HERC2: variants seen among roughly 807,000 people sequenced by gnomAD.
The protein encoded by HERC2 is E3 ubiquitin-protein ligase HERC2.
Under a neutral mutation model 537.7 loss-of-function variants are expected in HERC2, and 102 were observed. The ratio of observed to expected loss-of-function variants is 0.19; its 90% CI spans 0.16 to 0.22. The LOEUF (loss-of-function observed/expected upper bound fraction) is 0.22. Ranked by LOEUF, HERC2 falls within the 10% of genes least tolerant of loss-of-function variation. The pLI is 1.00. For synonymous variants in HERC2, 2,224 were observed against 2,466.2 expected (o/e 0.90, Z 2.91); for missense variants, 4,236 against 6,198.2 (o/e 0.68, Z 10.63).
At chr15:28,273,729 C>T (rs926884244) in intron 7 of HERC2, among the ~76,000 whole-genome samples, 3 of 152,206 alleles carry the variant, frequency 2.0e-5, no homozygotes, top group African/African-American at 7.2e-5. Context: ...GGAGTGGCCT[C>T]ACTTTCCCTC....
At chr15:28,210,897 A>G (rs1261843312) in intron 44 of HERC2, 105 bp downstream of exon 44, 2 of 1,082,490 alleles carry the variant, frequency 1.8e-6, no homozygotes, top group Non-Finnish European at 2.8e-6. Context: ...TGTCTTGTAC[A>G]TTTATAAGCC....
In HERC2 at chr15:28,120,053, G is replaced by A. The variant is rs115138127; in HGVS notation, c.13272+1293C>T. The stretch of plus-strand genomic sequence containing the variant: ...TGCAAGTCAAGGTGCACTCAATCGC[G>A]GGGGTTAGACAACGCAGAAGCCATC... On this transcript the variant is annotated intron_variant, in intron 86 of 92. Transcript: ENST00000261609. Among the ~76,000 whole-genome samples the A allele has an allele frequency of 6.7e-3, 1,023 of 152,268 alleles. 14 individuals carry two copies. The highest frequency in any genetic ancestry group is 0.024 in the African/African-American group (987 of 41,552).
intron 23 of HERC2, among the ~76,000 whole-genome samples, chr15:28,245,588 CACACACACACACACACAG>C (rs1903606301): frequency 6.7e-6 from 1 of 149,956 alleles, no homozygotes; most frequent in Non-Finnish European, 1.5e-5. Context: ...CACACACACA[CACACACACACACACACAG>C]ATATATATAT....
chr15:28,256,342 C>A (rs779073145), intron 17 of HERC2, 25 bp from the exon 18 acceptor site: 13 of 1,469,028 alleles, frequency 8.8e-6, no homozygotes, highest in Non-Finnish European at 1.2e-5. Flanking sequence ...ACAATTTTCA[C>A]TTAGAACCCC....
chr15:28,167,311 T>C (rs1439046940), intron 68 of HERC2, among the ~76,000 whole-genome samples: 1 of 152,212 alleles, frequency 6.6e-6, no homozygotes, highest in East Asian at 1.9e-4. Context: ...GTTCCTGTGG[T>C]GTCTGTCAAA....
intron 50 of HERC2, among the ~76,000 whole-genome samples, chr15:28,197,262 G>A (rs1897432219): frequency 6.6e-6 from 1 of 152,132 alleles, no homozygotes. Context: ...ATGGCATCAA[G>A]AGTTTATAAA....
chr15:28,161,932 T>C (rs1469500271), intron 69 of HERC2, among the ~76,000 whole-genome samples: 1 of 152,170 alleles, frequency 6.6e-6, no homozygotes, highest in Non-Finnish European at 1.5e-5. Context: ...GGGCAACCGG[T>C]TTACCATCTA....
At position 28,163,225 on chromosome 15, in the gene HERC2, T is replaced by C. The variant is rs775077505; in HGVS notation, c.10615A>G (p.Ser3539Gly). Reference sequence around the variant, plus strand: ...CGAGTGTCATCCGCAATCAGCAGACTGGTGAACTCATCCAAGGCCTGAGGC... The same window carrying C: ...CGAGTGTCATCCGCAATCAGCAGACCGGTGAACTCATCCAAGGCCTGAGGC... ...PEPQALDEFTSLLIADDTRVV... is the reference protein window; with the variant it reads ...PEPQALDEFTGLLIADDTRVV... Residue 3539 changes from serine (S) to glycine (G), a missense_variant, in exon 69 of 93, where the codon AGT becomes GGT. Transcript: ENST00000261609. 3.1e-6 allele frequency: 5 copies of C among 1,613,990 alleles called. No homozygotes were observed. In the Admixed American group the frequency reaches 8.3e-5, roughly 27 times the overall value.
In HERC2 at chr15:28,295,115, C is replaced by T. The variant is rs75055945; in HGVS notation, c.188-2093G>A. On this transcript the variant is annotated intron_variant, in intron 3 of 92. Coordinates refer to ENST00000261609, the MANE Select transcript of HERC2 (RefSeq NM_004667.6). Reference sequence around the variant, plus strand: ...GCTCAACTAAAAAACACTGATAACACCAAGTGCTAACAAAGACACAGACCA... The same window carrying T: ...GCTCAACTAAAAAACACTGATAACATCAAGTGCTAACAAAGACACAGACCA... Among the ~76,000 whole-genome samples the T allele has an allele frequency of 8.8e-4, 134 of 152,174 alleles. No individual in the cohort carries two copies. The East Asian group carries it at 0.019, about 22-fold the overall frequency.
chr15:28,237,015 A>C lies in HERC2; in HGVS notation c.3951T>G (p.Ala1317=). Residue 1317 remains alanine (A), a synonymous_variant, in exon 26 of 93, where the codon GCT becomes GCG. Transcript: ENST00000261609. Reference sequence around the variant, plus strand: ...GCGGTGTGCTCATTGCCAAATACGAAGCGTGTAATCCGAGAAGCAGGCCCA... The same window carrying C: ...GCGGTGTGCTCATTGCCAAATACGACGCGTGTAATCCGAGAAGCAGGCCCA... ...RNLGLLLGLH[A]SYLAMSTPLS... is the part of the protein sequence containing the mutation. 6.2e-7 allele frequency: 1 copy of C among 1,612,002 alleles called. No homozygotes were observed. The highest frequency in any genetic ancestry group is 8.5e-7 in the Non-Finnish European group (1 of 1,179,838).
At chr15:28,223,658 G>C (rs1442893296) in intron 35 of HERC2, among the ~76,000 whole-genome samples, 1 of 152,122 alleles carries the variant, frequency 6.6e-6, no homozygotes, top group East Asian at 1.9e-4. Flanking sequence ...GCAAAACTGG[G>C]GGAATTTTTC....
At chr15:28,247,417 G>T (rs1314241992) in intron 21 of HERC2, among the ~76,000 whole-genome samples, 19 of 131,724 alleles carry the variant, frequency 1.4e-4, no homozygotes, top group African/African-American at 4.7e-4. Flanking sequence ...CTGTCTACAT[G>T]GTTCTTTTTT....
At chr15:28,165,282 G>A (rs1029750785) in intron 68 of HERC2, among the ~76,000 whole-genome samples, 8 of 152,216 alleles carry the variant, frequency 5.3e-5, no homozygotes, top group African/African-American at 1.7e-4. Context: ...TGCCCACCAC[G>A]GAGTGGGGGA....
rs370845249 is a variant in HERC2 at position 28,156,243 on chromosome 15, C to T, written c.10747-3413G>A. ...TTGGCTTAGGATTGACTTGGCAATG[C>T]GGGCTCTTTTTTGGTTCCAAATGAA... is the stretch of plus-strand genomic sequence containing the variant. On this transcript the variant is annotated intron_variant, in intron 69 of 92. Coordinates refer to ENST00000261609, the MANE Select transcript of HERC2 (RefSeq NM_004667.6). 1.2e-4 allele frequency among the ~76,000 whole-genome samples: 18 copies of T among 152,236 alleles called. No individual in the cohort carries two copies. In the South Asian group the frequency reaches 2.5e-3, roughly 21 times the overall value.
intron 44 of HERC2, among the ~76,000 whole-genome samples, chr15:28,208,939 C>G (rs548731316): frequency 1.3e-5 from 2 of 152,292 alleles, no homozygotes; most frequent in Admixed American, 1.3e-4. Flanking sequence ...AAAGGACTTT[C>G]CCCGAAAAGA....
In HERC2 at chr15:28,113,356, CCT is replaced by C. The variant is rs1887863161; in HGVS notation, c.14020-75_14020-74del. 1.0e-5 allele frequency: 15 copies of C among 1,459,992 alleles called. No individual in the cohort carries two copies. Among genetic ancestry groups the C allele is most frequent in the Non-Finnish European group, 1.4e-5 (15 of 1,051,348 alleles). The allele number at this position is 1,459,992 out of a possible 1,614,324, so 90.4% of individuals were successfully genotyped here. A position where few individuals can be genotyped will look rare whatever the true frequency, so the allele number is the denominator to read the frequency against. ...ATTTCCGCAAGACTCCGTCACGCTCCCTCTCTACACCAAGGCCTGTTTGGGGT... is the reference window on the plus strand; with the variant it reads ...ATTTCCGCAAGACTCCGTCACGCTCCCTCTACACCAAGGCCTGTTTGGGGT... On this transcript the variant is annotated intron_variant, in intron 91 of 92. Transcript: ENST00000261609. The surrounding 1 kb of genome is among the most constrained non-coding windows in gnomAD (Gnocchi z 7.0).
intron 79 of HERC2, among the ~76,000 whole-genome samples, chr15:28,133,197 A>G (rs894574211): frequency 1.3e-5 from 2 of 152,196 alleles, no homozygotes; most frequent in South Asian, 2.1e-4. Context: ...CTGGCCCTAT[A>G]AGGAAAGTTT....
At chr15:28,180,480 T>C (rs1295654666) in intron 57 of HERC2, among the ~76,000 whole-genome samples, 1 of 152,200 alleles carries the variant, frequency 6.6e-6, no homozygotes, top group Admixed American at 6.5e-5. Flanking sequence ...CACTGGAGTA[T>C]TTTAAGAATG....
At chr15:28,292,508 C>T (rs140482685) in intron 4 of HERC2, among the ~76,000 whole-genome samples, 3 of 152,280 alleles carry the variant, frequency 2.0e-5, no homozygotes, top group African/African-American at 4.8e-5. Flanking sequence ...AAACAGTTTA[C>T]TGCTTCCTCA....
Sources: gnomAD v4.1 joint callset for allele counts (sites outside exome capture counted in the v4.1 genomes callset) on GRCh38, gnomAD v4.1.1 for gene constraint, Gnocchi (gnomAD v3.1) non-coding constraint, MANE v1.5 for transcripts, NCBI Gene and HGNC (gene_info 2026-07-23, HGNC 2026-07-21) for gene names.